The following PRLR variants were observed in gnomAD, a reference collection of about 807,000 sequenced individuals.
PRLR encodes the protein prolactin receptor.
PRLR carries 13 observed loss-of-function variants against 40.2 expected under a neutral mutation model. That is an observed-to-expected ratio of 0.32 (90% CI 0.21 to 0.51). PRLR has a LOEUF of 0.51. Ranked by LOEUF, PRLR falls within the 20% of genes least tolerant of loss-of-function variation. The probability of loss-of-function intolerance (pLI) is 0.97; values close to 1 mark genes in which losing one functional copy is unlikely to be tolerated. For missense variants in PRLR, 656 were observed against 747.3 expected, an observed-to-expected ratio of 0.88 and a Z score of 1.42; for synonymous variants, 269 against 278.7, an observed-to-expected ratio of 0.97 and a Z score of 0.35.
intron 1 of PRLR, among the ~76,000 whole-genome samples, chr5:35,168,256 T>C (rs1004763538): frequency 2.6e-5 from 4 of 151,966 alleles, no homozygotes; most frequent in African/African-American, 9.7e-5. Flanking sequence ...TACACAATCA[T>C]AGAAGATGTT....
At chr5:35,186,685 G>A (rs1245374190) in intron 1 of PRLR, among the ~76,000 whole-genome samples, 1 of 152,154 alleles carries the variant, frequency 6.6e-6, no homozygotes, top group African/African-American at 2.4e-5. Context: ...CCTCATTGTG[G>A]AGCAGAGGCA....
At chr5:35,127,749 G>A (rs1773519421) in intron 1 of PRLR, among the ~76,000 whole-genome samples, 1 of 152,168 alleles carries the variant, frequency 6.6e-6, no homozygotes, top group East Asian at 1.9e-4. Flanking sequence ...AAGAAGCCAG[G>A]CACGAAAGAC....
Position 35,095,017 on chromosome 5 carries a change from T to C in PRLR, c.-43-5354A>G, listed in dbSNP as rs1221632664. ...CTAATTTTTGTATATTCTGCAGTGA[T>C]GGGGTTTTGCCATGTTGCCCAGGCT... On this transcript the variant is annotated intron_variant, in intron 2 of 9. Coordinates refer to ENST00000618457, the MANE Select transcript of PRLR (RefSeq NM_000949.7). Among the ~76,000 whole-genome samples the C allele has an allele frequency of 3.3e-5, 5 of 151,894 alleles. No individual in the cohort carries two copies. The South Asian group carries it at 8.3e-4, about 25-fold the overall frequency.
intron 1 of PRLR, among the ~76,000 whole-genome samples, chr5:35,188,424 C>T (rs1394827746): frequency 2.0e-5 from 3 of 152,200 alleles, no homozygotes; most frequent in South Asian, 4.1e-4. Context: ...CAAAGCTTAG[C>T]GTGAAGGCTC....
chr5:35,075,706 G>C (rs886737465), intron 5 of PRLR, among the ~76,000 whole-genome samples: 5 of 152,240 alleles, frequency 3.3e-5, no homozygotes, highest in Admixed American at 6.5e-5. Flanking sequence ...TCCCAGCACA[G>C]AGTTTGAGAT....
At chr5:35,171,049 G>GTT (rs199742431) in intron 1 of PRLR, among the ~76,000 whole-genome samples, 90 of 136,356 alleles carry the variant, frequency 6.6e-4, no homozygotes, top group African/African-American at 1.9e-3. Flanking sequence ...GTTTTTCCCT[G>GTT]TTTTTTTTTT....
chr5:35,086,083 C>A (rs1039684235), intron 4 of PRLR, 125 bp downstream of exon 4: 2 of 1,195,318 alleles, frequency 1.7e-6, no homozygotes, highest in African/African-American at 3.1e-5. Context: ...CTCCCCTTTC[C>A]CCGGTGGTAT....
exon 9 of PRLR, chr5:35,049,099 C>G: frequency 1.5e-6 from 1 of 688,154 alleles, no homozygotes; most frequent in Non-Finnish European, 2.7e-6. Flanking sequence ...TTCCAGCTCC[C>G]AGTCAATTCT....
At chr5:35,203,219 G>A (rs1224189886) in intron 1 of PRLR, among the ~76,000 whole-genome samples, 1 of 152,142 alleles carries the variant, frequency 6.6e-6, no homozygotes, top group East Asian at 1.9e-4. Flanking sequence ...AGACTGAGCT[G>A]TCCTTTTCTA....
At chr5:35,135,895 A>C (rs1773844120) in intron 1 of PRLR, among the ~76,000 whole-genome samples, 1 of 152,170 alleles carries the variant, frequency 6.6e-6, no homozygotes, top group African/African-American at 2.4e-5. Flanking sequence ...CCAGGGGCCT[A>C]TGAGGTTGTC....
At chr5:35,066,859 G>C (rs572155067) in intron 9 of PRLR, among the ~76,000 whole-genome samples, 5 of 151,094 alleles carry the variant, frequency 3.3e-5, no homozygotes, top group African/African-American at 1.2e-4. Context: ...CGCCTCCCGG[G>C]TTCACGCCAT....
intron 1 of PRLR, among the ~76,000 whole-genome samples, chr5:35,161,511 T>C (rs1488480020): frequency 6.6e-6 from 1 of 152,216 alleles, no homozygotes; most frequent in Non-Finnish European, 1.5e-5. Context: ...CACAACTCTA[T>C]CCACATGACT....
Position 35,058,995 on chromosome 5 carries a change from A to G in PRLR, c.*6094T>C, listed in dbSNP as rs913558743. 2.6e-5 allele frequency: 4 copies of G among 152,294 alleles called. No individual in the cohort carries two copies. In the South Asian group the frequency reaches 8.3e-4, roughly 32 times the overall value. The allele number at this position is 152,294 out of a possible 1,614,324, so 9.4% of individuals were successfully genotyped here. ...TAGCTTTTCAGGAATTTCATAAAACAAATTATTTTTCAGCGGTATCTTCGC... is the reference window on the plus strand; with the variant it reads ...TAGCTTTTCAGGAATTTCATAAAACGAATTATTTTTCAGCGGTATCTTCGC... On this transcript the variant is annotated 3_prime_UTR_variant, in exon 10 of 10. Transcript: ENST00000618457.
At chr5:35,051,240 C>T (rs1157239802), downstream of PRLR, among the ~76,000 whole-genome samples, 1 of 152,202 alleles carries the variant, frequency 6.6e-6, no homozygotes, top group African/African-American at 2.4e-5. Context: ...CTGCTAACTG[C>T]ATACCTGGCA....
At chr5:35,103,548 A>G (rs1314917136) in intron 2 of PRLR, among the ~76,000 whole-genome samples, 1 of 152,208 alleles carries the variant, frequency 6.6e-6, no homozygotes, top group Non-Finnish European at 1.5e-5. Flanking sequence ...TCTTCCAAAC[A>G]TTCCTCTCTG....
chr5:35,095,273 G>T (rs773942476), intron 2 of PRLR, among the ~76,000 whole-genome samples: 1 of 152,134 alleles, frequency 6.6e-6, no homozygotes, highest in Non-Finnish European at 1.5e-5. Flanking sequence ...TACAAGCTCT[G>T]CCCAATGTCA....
Position 35,066,084 on chromosome 5 carries a change from G to A in PRLR, c.874C>T (p.Leu292=), listed in dbSNP as rs527455817. 30 of 1,613,678 alleles carry A rather than the reference G, an allele frequency of 1.9e-5. No individual in the cohort carries two copies. In the African/African-American group the frequency reaches 2.8e-4, roughly 15 times the overall value. ...HLLEKGKSEE[L]LSALGCQDFP... ...TCTTGGCATCCCAAGGCACTCAGTA[G>A]TTCTTCAGACTTGCCCTTCTATTAA... The change falls in exon 10 of 10, where the codon CTA becomes TTA. Residue 292 remains leucine (L), a synonymous_variant. Coordinates refer to ENST00000618457, the MANE Select transcript of PRLR (RefSeq NM_000949.7).
chr5:35,068,230 C>T lies in PRLR; in HGVS notation c.841G>A (p.Ala281Thr). The T allele has an allele frequency of 6.2e-7, 1 of 1,612,638 alleles. No individual in the cohort carries two copies. The highest frequency in any genetic ancestry group is 8.5e-7 in the Non-Finnish European group (1 of 1,178,670). The change falls in exon 9 of 10, where the codon GCT becomes ACT. Residue 281 changes from alanine (A) to threonine (T), a missense_variant. By Grantham distance (58) the Ala-to-Thr change is moderately conservative. Transcript: ENST00000618457. Reference protein sequence around the residue: ...VPGPKIKGFDAHLLEKGKSEE... With the variant: ...VPGPKIKGFDTHLLEKGKSEE... ...CCTGTACTTACCTCCAACAGATGAG[C>T]ATCAAATCCTTTTATTTTTGGCCCA...
intron 3 of PRLR, among the ~76,000 whole-genome samples, chr5:35,088,757 TACAC>T (rs1318133287): frequency 2.0e-5 from 3 of 151,892 alleles, no homozygotes; most frequent in Non-Finnish European, 2.9e-5. Flanking sequence ...GCATCAAAAG[TACAC>T]ACACCACACA....
Sources: allele counts gnomAD v4.1 joint callset (sites outside exome capture counted in the v4.1 genomes callset), GRCh38; gene constraint gnomAD v4.1.1; transcripts MANE v1.5; gene names NCBI Gene and HGNC (gene_info 2026-07-23, HGNC 2026-07-21).